TAOK3: variants seen among roughly 807,000 people sequenced by gnomAD.
The protein encoded by TAOK3 is TAO kinase 3.
Under a neutral mutation model 120.4 loss-of-function variants are expected in TAOK3, and 40 were observed. The ratio of observed to expected loss-of-function variants is 0.33; its 90% confidence interval spans 0.26 to 0.43. The LOEUF is 0.43. TAOK3 is among the 20% of genes least tolerant of loss of function. The pLI is 1.00. For synonymous variants in TAOK3, 355 were observed against 387.5 expected (o/e 0.92, Z 0.99); for missense variants, 821 against 1,112.1 (o/e 0.74, Z 3.72).
chr12:118,215,465 T>C (rs1459018812), intron 9 of TAOK3, among the ~76,000 whole-genome samples: 1 of 151,150 alleles, frequency 6.6e-6, no homozygotes, highest in East Asian at 2.0e-4. Flanking sequence ...TAAGCCAAGA[T>C]CGCGCCACTG....
chr12:118,323,933 G>T (rs1269279924), intron 1 of TAOK3, among the ~76,000 whole-genome samples: 1 of 152,012 alleles, frequency 6.6e-6, no homozygotes, highest in Admixed American at 6.6e-5. Context: ...ATTAATAAAA[G>T]AAATGAAGCA....
chr12:118,176,357 A>C lies in TAOK3; in HGVS notation c.1695+844T>G, dbSNP rs142933501. On this transcript the variant is annotated intron_variant, in intron 16 of 20. Coordinates refer to ENST00000392533, the MANE Select transcript of TAOK3 (RefSeq NM_016281.4). ...GTGGGTTGAGGGTAGGGGCAGCATT[A>C]GTGTGAGATGTCACTGAACGAGTAG... Among the ~76,000 whole-genome samples, 3 of 152,294 alleles carry C rather than the reference A, an allele frequency of 2.0e-5. No individual in the cohort carries two copies. The East Asian group carries it at 5.8e-4, about 29-fold the overall frequency.
intron 12 of TAOK3, 88 bp from the exon 13 acceptor site, chr12:118,199,345 G>A: frequency 9.4e-7 from 1 of 1,067,450 alleles, no homozygotes; most frequent in Non-Finnish European, 1.4e-6. Flanking sequence ...ACTCAATTTT[G>A]CAGTGTCAAG....
chr12:118,344,613 G>C (rs555381959), intron 1 of TAOK3, among the ~76,000 whole-genome samples: 3 of 152,044 alleles, frequency 2.0e-5, no homozygotes, highest in African/African-American at 7.2e-5. Flanking sequence ...ACTTGCATTT[G>C]CCTCTCTCTC....
intron 1 of TAOK3, among the ~76,000 whole-genome samples, chr12:118,281,092 T>C (rs2042083970): frequency 6.6e-6 from 1 of 152,256 alleles, no homozygotes. Context: ...AAAGAGCATT[T>C]GGGCAGAGGC....
intron 1 of TAOK3, among the ~76,000 whole-genome samples, chr12:118,326,934 T>C (rs1036930445): frequency 3.3e-5 from 5 of 152,222 alleles, no homozygotes; most frequent in African/African-American, 1.2e-4. Flanking sequence ...CAGAAATTTT[T>C]CTATAACTAT....
chr12:118,207,966 C>T (rs2038422942), intron 11 of TAOK3, among the ~76,000 whole-genome samples: 1 of 151,662 alleles, frequency 6.6e-6, no homozygotes, highest in African/African-American at 2.4e-5. Flanking sequence ...CTGTTCCTAA[C>T]AGATCCTCTA....
At chr12:118,357,337 T>C (rs551141844) in intron 1 of TAOK3, among the ~76,000 whole-genome samples, 4 of 152,386 alleles carry the variant, frequency 2.6e-5, no homozygotes, top group African/African-American at 9.6e-5. Context: ...AACTCAGAAC[T>C]ATTTTTAACT....
intron 1 of TAOK3, among the ~76,000 whole-genome samples, chr12:118,311,403 G>A (rs2043256280): frequency 6.6e-6 from 1 of 152,188 alleles, no homozygotes; most frequent in African/African-American, 2.4e-5. Flanking sequence ...AGAGGTTGCA[G>A]TAAGCCAAGG....
intron 1 of TAOK3, among the ~76,000 whole-genome samples, chr12:118,304,407 T>C (rs941259165): frequency 6.6e-6 from 1 of 152,192 alleles, no homozygotes; most frequent in Non-Finnish European, 1.5e-5. Flanking sequence ...ATATATAATA[T>C]TAACCAAAAA....
intron 1 of TAOK3, among the ~76,000 whole-genome samples, chr12:118,316,448 G>A (rs1202236327): frequency 6.6e-6 from 1 of 151,992 alleles, no homozygotes; most frequent in Non-Finnish European, 1.5e-5. Context: ...TCTTAGAGGT[G>A]GGGTCTCGCT....
chr12:118,286,735 A>T (rs562414322), intron 1 of TAOK3, among the ~76,000 whole-genome samples: 1 of 152,354 alleles, frequency 6.6e-6, no homozygotes, highest in East Asian at 1.9e-4. Context: ...ACCCAGAGGA[A>T]AAGAAGTCAT....
intron 1 of TAOK3, among the ~76,000 whole-genome samples, chr12:118,322,716 ACCTT>A (rs2043767252): frequency 7.0e-6 from 1 of 142,314 alleles, no homozygotes; most frequent in African/African-American, 2.6e-5. Flanking sequence ...AAATTTAAAA[ACCTT>A]TTTTTTTTTT....
intron 3 of TAOK3, among the ~76,000 whole-genome samples, chr12:118,249,616 A>G (rs955596551): frequency 6.7e-6 from 1 of 149,564 alleles, no homozygotes; most frequent in East Asian, 1.9e-4. Context: ...TGAGCCCAGG[A>G]GTTTGGAACC....
At chr12:118,166,814 G>A (rs370989080) in intron 17 of TAOK3, among the ~76,000 whole-genome samples, 18 of 138,978 alleles carry the variant, frequency 1.3e-4, no homozygotes, top group African/African-American at 1.9e-4. Context: ...GTGTGTGTGT[G>A]TATATATATA....
intron 1 of TAOK3, among the ~76,000 whole-genome samples, chr12:118,322,848 C>T (rs1160935549): frequency 1.3e-5 from 2 of 151,200 alleles, no homozygotes; most frequent in Non-Finnish European, 2.9e-5. Flanking sequence ...GCCTCAGCCT[C>T]CCGAGTAGCT....
intron 9 of TAOK3, among the ~76,000 whole-genome samples, chr12:118,215,699 G>C (rs944097319): frequency 6.6e-6 from 1 of 152,122 alleles, no homozygotes; most frequent in Non-Finnish European, 1.5e-5. Context: ...ACTCTAAAGA[G>C]AAACTCAGTG....
At chr12:118,166,679 T>C (rs1310269526) in intron 17 of TAOK3, among the ~76,000 whole-genome samples, 2 of 152,018 alleles carry the variant, frequency 1.3e-5, no homozygotes, top group African/African-American at 2.4e-5. Flanking sequence ...TGACACAATA[T>C]ACACACTAGA....
intron 19 of TAOK3, among the ~76,000 whole-genome samples, chr12:118,153,118 A>G (rs1416183571): frequency 1.3e-5 from 2 of 152,182 alleles, no homozygotes; most frequent in South Asian, 2.1e-4. Flanking sequence ...AAATGGTTCA[A>G]AATCTCTTCC....
Sources: gnomAD v4.1 joint callset for allele counts (sites outside exome capture counted in the v4.1 genomes callset) on GRCh38, gnomAD v4.1.1 for gene constraint, MANE v1.5 for transcripts, NCBI Gene and HGNC (gene_info 2026-07-23, HGNC 2026-07-21) for gene names.